Variants in ABR observed in about 807,000 individuals in gnomAD.
ABR encodes the protein active breakpoint cluster region-related protein.
A neutral mutation model predicts 107.2 loss-of-function variants in ABR; 35 were observed. The observed-to-expected ratio is 0.33, with a 90% confidence interval of 0.25 to 0.43. The LOEUF is 0.43. ABR is among the 20% of genes least tolerant of loss of function. The probability of loss-of-function intolerance (pLI) is 1.00; values close to 1 mark genes in which losing one functional copy is unlikely to be tolerated. For missense variants in ABR, 815 were observed against 1,115.2 expected (o/e 0.73, Z 3.83); for synonymous variants, 498 against 462.0 (o/e 1.08, Z -1.00).
intron 1 of ABR, among the ~76,000 whole-genome samples, chr17:1,170,991 C>T: frequency 6.6e-6 from 1 of 152,226 alleles, no homozygotes; most frequent in East Asian, 1.9e-4. Context: ...AGGGGTCTCT[C>T]TCCTAAAACT....
intron 1 of ABR, among the ~76,000 whole-genome samples, chr17:1,228,562 C>G (rs1308853011): frequency 6.6e-6 from 1 of 152,114 alleles, no homozygotes. Flanking sequence ...CTGCCGCCGC[C>G]GCCAGTTCAT....
rs1052490328 is a variant in ABR at position 1,203,337 on chromosome 17, C to A, written c.838+25456G>T. Among the ~76,000 whole-genome samples, 3 of 126,796 alleles carry A rather than the reference C, an allele frequency of 2.4e-5. No homozygotes were observed. The Admixed American group carries it at 2.5e-4, about 10-fold the overall frequency. The allele number at this position is 126,796 out of a possible 152,430, so 83.2% of individuals were successfully genotyped here. A position where few individuals can be genotyped will look rare whatever the true frequency, so the allele number is the denominator to read the frequency against. ...GGGCGGAGTCCATGGGGGGCGGGGT[C>A]CGCGGGGAGGAGCCTGCGGGGCGGT... On this transcript the variant is annotated intron_variant, in intron 1 of 22. Coordinates refer to the ABR transcript ENST00000574139.
intron 16 of ABR, chr17:1,031,533 AGCCCCCCG>A (rs2150912746): frequency 1.1e-5 from 1 of 93,572 alleles, no homozygotes; most frequent in East Asian, 2.4e-4. Context: ...CAGCCCCCGC[AGCCCCCCG>A]AGCCCCGCAG....
chr17:1,163,130 T>G (rs2151575131), intron 1 of ABR, among the ~76,000 whole-genome samples: 1 of 152,338 alleles, frequency 6.6e-6, no homozygotes, highest in Non-Finnish European at 1.5e-5. Flanking sequence ...CTCTGTTCTC[T>G]CCTGTAAACT....
At chr17:1,105,003 CTTTTTT>C (rs748696872) in intron 2 of ABR, among the ~76,000 whole-genome samples, 1 of 125,768 alleles carries the variant, frequency 8.0e-6, no homozygotes, top group Non-Finnish European at 1.6e-5. Flanking sequence ...TTTACAGTAA[CTTTTTT>C]TTTTTTTTTT....
In ABR at chr17:1,025,775, C is replaced by T. The variant is rs566214615; in HGVS notation, c.1792-12611G>A. Among the ~76,000 whole-genome samples, 8 of 152,258 alleles carry T rather than the reference C, an allele frequency of 5.3e-5. No homozygotes were observed. In the South Asian group the frequency reaches 6.2e-4, roughly 12 times the overall value. The stretch of plus-strand genomic sequence containing the variant: ...ATTTTTTTCACAGCACTCATCTGAC[C>T]GGCAAGGATCTCATTTGTTGACGGA... On this transcript the variant is annotated intron_variant, in intron 16 of 22. Coordinates refer to ENST00000302538, the MANE Select transcript of ABR (RefSeq NM_021962.5).
rs1223137612 is a variant in ABR, at chr17:1,078,806, TGGGTTACCATA to T, written c.700+513_700+523del. On this transcript the variant is annotated intron_variant, in intron 6 of 22. Coordinates refer to ENST00000302538, the MANE Select transcript of ABR (RefSeq NM_021962.5). This position sits in a 1 kb window ranked among gnomAD's most constrained non-coding sequence, Gnocchi z 7.5. ...TCCGCCACCTCCCACAGCGAGCACC[TGGGTTACCATA>T]GGTGCAGTTACAGCAGAAGCGAATA... 1 of 1,535,334 alleles carries T rather than the reference TGGGTTACCATA, an allele frequency of 6.5e-7. No individual in the cohort carries two copies. The highest frequency in any genetic ancestry group is 2.4e-5 in the East Asian group (1 of 40,872).
intron 5 of ABR, among the ~76,000 whole-genome samples, chr17:1,081,432 A>G (rs1303802280): frequency 6.6e-6 from 1 of 152,108 alleles, no homozygotes; most frequent in Non-Finnish European, 1.5e-5. Context: ...TCGTCCTCCC[A>G]GGCAGAGGGT....
rs375583331 is a variant in ABR, at chr17:1,022,979, A to G, written c.1792-9815T>C. On this transcript the variant is annotated intron_variant, in intron 16 of 22. Coordinates refer to ENST00000302538, the MANE Select transcript of ABR (RefSeq NM_021962.5). Reference sequence around the variant, plus strand: ...TGCCTTCCCCAGCGTCCATTCTAGCACCTCTGCCTGCCCCACGTCCGCTCC... The same window carrying G: ...TGCCTTCCCCAGCGTCCATTCTAGCGCCTCTGCCTGCCCCACGTCCGCTCC... Among the ~76,000 whole-genome samples the G allele has an allele frequency of 1.2e-3, 186 of 151,966 alleles. 3 individuals carry two copies. Among genetic ancestry groups the G allele is most frequent in the African/African-American group, 4.2e-3 (173 of 41,352 alleles).
Position 1,011,064 on chromosome 17 carries a change from G to A in ABR, c.2102-201C>T. On this transcript the variant is annotated intron_variant, in intron 19 of 22. Transcript: ENST00000302538. This position sits in a 1 kb window ranked among gnomAD's most constrained non-coding sequence, Gnocchi z 4.8. ...TGGGGGAACAGGGAGAGATAGCCTG[G>A]GGGCCATCTGCTGTGGCTGCTTGGG... 1.6e-6 allele frequency: 1 copy of A among 625,418 alleles called. No individual in the cohort carries two copies. The highest frequency in any genetic ancestry group is 2.9e-5 in the East Asian group (1 of 34,868). 38.7% of individuals were successfully genotyped at this position (625,418 alleles called of 1,614,324 possible).
Position 1,003,603 on chromosome 17 carries a change from A to C in ABR, c.*2477T>G, listed in dbSNP as rs1423285566. On this transcript the variant is annotated 3_prime_UTR_variant, in exon 23 of 23. Coordinates refer to ENST00000302538, the MANE Select transcript of ABR (RefSeq NM_021962.5). ...TTTACATCAATTTATAATAATCTACATAAGTTGAAACAGAACATAGACAAA... is the reference window on the plus strand; with the variant it reads ...TTTACATCAATTTATAATAATCTACCTAAGTTGAAACAGAACATAGACAAA... 1 of 152,610 alleles carries C rather than the reference A, an allele frequency of 6.6e-6. No homozygotes were observed. The highest frequency in any genetic ancestry group is 2.1e-4 in the South Asian group (1 of 4,834). 9.5% of individuals were successfully genotyped at this position (152,610 alleles called of 1,614,324 possible).
At chr17:1,024,024 C>CAAAAAAAAAAAAAGAAAAA (rs2071952605) in intron 16 of ABR, among the ~76,000 whole-genome samples, 1 of 47,662 alleles carries the variant, frequency 2.1e-5, no homozygotes, top group Non-Finnish European at 3.9e-5. Flanking sequence ...GACTCCATCT[C>CAAAAAAAAAAAAAGAAAAA]AAAAAAAAAA....
chr17:1,075,172 C>G lies in ABR; in HGVS notation c.701-1495G>C, dbSNP rs115051132. On this transcript the variant is annotated intron_variant, in intron 6 of 22. Transcript: ENST00000302538. The stretch of plus-strand genomic sequence containing the variant: ...CAGGTGGAGGTGGCAGCTGGTGGAT[C>G]AACACTTCCCAACACCCTTCCTGTA... 2.2e-3 allele frequency among the ~76,000 whole-genome samples: 340 copies of G among 152,350 alleles called. 1 individual carries two copies. Among genetic ancestry groups the G allele is most frequent in the African/African-American group, 7.9e-3 (328 of 41,578 alleles).
At chr17:1,006,479 C>T (rs2070045725) in intron 22 of ABR, among the ~76,000 whole-genome samples, 1 of 152,214 alleles carries the variant, frequency 6.6e-6, no homozygotes, top group Non-Finnish European at 1.5e-5. Context: ...AACCTCAGAG[C>T]TTCCACCCAT....
intron 16 of ABR, among the ~76,000 whole-genome samples, chr17:1,029,724 G>C (rs2072551083): frequency 6.6e-6 from 1 of 152,196 alleles, no homozygotes; most frequent in Admixed American, 6.5e-5. Flanking sequence ...AAGAGGCCTG[G>C]CCCTTTGACT....
intron 16 of ABR, among the ~76,000 whole-genome samples, chr17:1,026,866 A>C (rs2072239600): frequency 6.6e-6 from 1 of 152,186 alleles, no homozygotes; most frequent in Non-Finnish European, 1.5e-5. Flanking sequence ...CTCCAGCACC[A>C]GCGCCCTGTG....
chr17:1,050,459 G>C lies in ABR; in HGVS notation c.1659+78C>G. The C allele has an allele frequency of 7.4e-7, 1 of 1,349,946 alleles. No homozygotes were observed. Among genetic ancestry groups the C allele is most frequent in the Non-Finnish European group, 1.1e-6 (1 of 941,144 alleles). 83.6% of individuals were successfully genotyped at this position (1,349,946 alleles called of 1,614,324 possible). On this transcript the variant is annotated intron_variant, in intron 15 of 22. Coordinates refer to ENST00000302538, the MANE Select transcript of ABR (RefSeq NM_021962.5). The surrounding 1 kb of genome is among the most constrained non-coding windows in gnomAD (Gnocchi z 4.6). ...GCAGACATAGCTGGTCCAACCAATG[G>C]GCTGGCCGTCCCCAGCAGACAAGCC...
chr17:1,155,566 C>T (rs148250839), intron 1 of ABR, among the ~76,000 whole-genome samples: 202 of 152,278 alleles, frequency 1.3e-3, no homozygotes, highest in African/African-American at 4.7e-3. Context: ...CATCAATGAA[C>T]ACTTCTTTGC....
At chr17:1,149,205 T>C (rs1289456798) in intron 1 of ABR, among the ~76,000 whole-genome samples, 2 of 151,848 alleles carry the variant, frequency 1.3e-5, no homozygotes, top group African/African-American at 4.8e-5. Context: ...GCGCCCGGCC[T>C]ATTTTGCCAT....
Sources: allele counts gnomAD v4.1 joint callset (sites outside exome capture counted in the v4.1 genomes callset), GRCh38; gene constraint gnomAD v4.1.1; non-coding constraint Gnocchi (gnomAD v3.1); transcripts MANE v1.5; gene names NCBI Gene and HGNC (gene_info 2026-07-23, HGNC 2026-07-21).